GPR137B: variants seen among roughly 807,000 people sequenced by gnomAD.
The protein encoded by GPR137B is integral membrane protein GPR137B.
In GPR137B, 42 loss-of-function variants were observed where a neutral mutation model predicts 42.5. That is an observed-to-expected ratio of 0.99 (90% CI 0.77 to 1.28). The LOEUF is 1.28. Among genes scored for constraint, GPR137B ranks in the 50% most tolerant of loss-of-function variants. GPR137B has a pLI of 0.00. For synonymous variants in GPR137B, 218 were observed against 209.7 expected (o/e 1.04, Z -0.34); for missense variants, 487 against 493.9 (o/e 0.99, Z 0.13).
intron 5 of GPR137B, among the ~76,000 whole-genome samples, chr1:236,186,544 G>A (rs1224547461): frequency 7.0e-6 from 1 of 143,248 alleles, no homozygotes; most frequent in Non-Finnish European, 1.5e-5. Flanking sequence ...GTGTCCATGT[G>A]TTCTCATTGT....
intron 2 of GPR137B, among the ~76,000 whole-genome samples, chr1:236,175,369 C>G (rs763773263): frequency 6.6e-6 from 1 of 152,066 alleles, no homozygotes; most frequent in Admixed American, 6.5e-5. Context: ...ACATAAGTGG[C>G]CCCGCACAGT....
rs1662000652 is a variant in GPR137B, at chr1:236,155,603, GCCAC to G, written c.414+12570_414+12573del. Among the ~76,000 whole-genome samples the G allele has an allele frequency of 6.6e-6, 1 of 152,108 alleles. No individual in the cohort carries two copies. Among genetic ancestry groups the G allele is most frequent in the Admixed American group, 6.5e-5 (1 of 15,272 alleles). On this transcript the variant is annotated intron_variant, in intron 1 of 6. Transcript: ENST00000366592. This position sits in a 1 kb window ranked among gnomAD's most constrained non-coding sequence, Gnocchi z 4.6. ...TGACTTATCAATGTGGGGGCTCAGG[GCCAC>G]CCTGAGTTCTGCCTTCTGGGTGGCC... is the stretch of plus-strand genomic sequence containing the variant.
chr1:236,144,522 G>C (rs577765941), intron 1 of GPR137B, among the ~76,000 whole-genome samples: 4 of 152,270 alleles, frequency 2.6e-5, no homozygotes, highest in African/African-American at 9.6e-5. Flanking sequence ...CTAAAAAATA[G>C]CATATGTGAT....
Position 236,166,356 on chromosome 1 carries a change from C to T in GPR137B, c.415-2350C>T, listed in dbSNP as rs181071581. Among the ~76,000 whole-genome samples the T allele has an allele frequency of 5.3e-3, 795 of 151,232 alleles. 5 individuals carry two copies. The highest frequency in any genetic ancestry group is 0.017 in the African/African-American group (711 of 41,194). On this transcript the variant is annotated intron_variant, in intron 1 of 6. Coordinates refer to ENST00000366592, the MANE Select transcript of GPR137B (RefSeq NM_003272.4). ...AGGTGACGTGTCTTGCCTAAAATCC[C>T]GTGGTGGGTTGTCAGATAAAGTGGA...
At chr1:236,163,152 A>G (rs1246743891) in intron 1 of GPR137B, among the ~76,000 whole-genome samples, 1 of 152,166 alleles carries the variant, frequency 6.6e-6, no homozygotes, top group Non-Finnish European at 1.5e-5. Flanking sequence ...AGGAGATCAT[A>G]TTGGAGCTTT....
chr1:236,193,469 A>G (rs1046435897), intron 5 of GPR137B, among the ~76,000 whole-genome samples: 1 of 152,142 alleles, frequency 6.6e-6, no homozygotes, highest in East Asian at 1.9e-4. Context: ...CCACAGAGAC[A>G]GCACCATTTT....
chr1:236,202,872 T>G (rs1254212), intron 5 of GPR137B, among the ~76,000 whole-genome samples: 3 of 152,002 alleles, frequency 2.0e-5, no homozygotes, highest in African/African-American at 7.2e-5. Flanking sequence ...AATCCATTTT[T>G]TTTGATTTTT....
In GPR137B at chr1:236,166,925, C is replaced by T. The variant is rs564209066; in HGVS notation, c.415-1781C>T. Reference sequence around the variant, plus strand: ...TTTCAGCCTCCTCCCTGAGAAGCAGCGGAGAGTAGATGTGACTGGGGGATT... The same window carrying T: ...TTTCAGCCTCCTCCCTGAGAAGCAGTGGAGAGTAGATGTGACTGGGGGATT... On this transcript the variant is annotated intron_variant, in intron 1 of 6. Coordinates refer to ENST00000366592, the MANE Select transcript of GPR137B (RefSeq NM_003272.4). 6.9e-4 allele frequency among the ~76,000 whole-genome samples: 105 copies of T among 152,144 alleles called. No individual in the cohort carries two copies. In the South Asian group the frequency reaches 0.01, roughly 15 times the overall value.
chr1:236,192,286 C>A (rs1179494639), intron 5 of GPR137B, among the ~76,000 whole-genome samples: 1 of 152,066 alleles, frequency 6.6e-6, no homozygotes. Flanking sequence ...CCTACCGAGC[C>A]AGACTACTTG....
At chr1:236,189,608 T>C (rs1663131548) in intron 5 of GPR137B, among the ~76,000 whole-genome samples, 1 of 152,228 alleles carries the variant, frequency 6.6e-6, no homozygotes, top group Non-Finnish European at 1.5e-5. Context: ...TTATTCAGTT[T>C]CCATTGGTTG....
chr1:236,180,956 A>G (rs1393406459), intron 4 of GPR137B, among the ~76,000 whole-genome samples: 1 of 152,190 alleles, frequency 6.6e-6, no homozygotes, highest in Non-Finnish European at 1.5e-5. Flanking sequence ...TAAATGTAAG[A>G]TGATATTATT....
At chr1:236,196,506 G>C (rs558481005) in intron 5 of GPR137B, among the ~76,000 whole-genome samples, 39 of 152,202 alleles carry the variant, frequency 2.6e-4, no homozygotes, top group Non-Finnish European at 4.0e-4. Flanking sequence ...GGTAGTGTTT[G>C]GTCACATGGA....
In GPR137B at chr1:236,155,128, G is replaced by A. The variant is rs1489446878; in HGVS notation, c.414+12092G>A. ...TCCACCTCTGTGCGGAACTGATGCCGAGACGGACTCCACCCAGGCAGTGGG... is the reference window on the plus strand; with the variant it reads ...TCCACCTCTGTGCGGAACTGATGCCAAGACGGACTCCACCCAGGCAGTGGG... On this transcript the variant is annotated intron_variant, in intron 1 of 6. Transcript: ENST00000366592. This position sits in a 1 kb window ranked among gnomAD's most constrained non-coding sequence, Gnocchi z 4.6. 6.6e-6 allele frequency among the ~76,000 whole-genome samples: 1 copy of A among 152,208 alleles called. No individual in the cohort carries two copies. Among genetic ancestry groups the A allele is most frequent in the Non-Finnish European group, 1.5e-5 (1 of 68,032 alleles).
chr1:236,147,547 G>A (rs755319145), intron 1 of GPR137B, among the ~76,000 whole-genome samples: 9 of 152,178 alleles, frequency 5.9e-5, no homozygotes, highest in African/African-American at 1.9e-4. Context: ...CCTAACTAGC[G>A]TCTTCAGGAC....
Position 236,154,052 on chromosome 1 carries a change from G to A in GPR137B, c.414+11016G>A, listed in dbSNP as rs1274453554. Among the ~76,000 whole-genome samples the A allele has an allele frequency of 2.0e-5, 3 of 152,154 alleles. No individual in the cohort carries two copies. In the East Asian group the frequency reaches 5.8e-4, roughly 29 times the overall value. On this transcript the variant is annotated intron_variant, in intron 1 of 6. Transcript: ENST00000366592. The stretch of plus-strand genomic sequence containing the variant: ...GCCCCTTCCTTGGGTGCCACTGGGA[G>A]GTGAAGGCTTAGGTTTAGGTTGACA...
At chr1:236,205,605 A>G (rs1663635702) in intron 6 of GPR137B, among the ~76,000 whole-genome samples, 1 of 152,196 alleles carries the variant, frequency 6.6e-6, no homozygotes, top group Non-Finnish European at 1.5e-5. Flanking sequence ...GAGTGGTGCA[A>G]TCTTGGCTCA....
chr1:236,194,904 C>T (rs1663292343), intron 5 of GPR137B, among the ~76,000 whole-genome samples: 1 of 152,170 alleles, frequency 6.6e-6, no homozygotes, highest in Admixed American at 6.5e-5. Context: ...TATGACTGCT[C>T]TCATGATTTA....
chr1:236,151,573 G>A (rs1445686815), intron 1 of GPR137B, among the ~76,000 whole-genome samples: 1 of 151,806 alleles, frequency 6.6e-6, no homozygotes, highest in Non-Finnish European at 1.5e-5. Context: ...ACAGGTGCCC[G>A]CCACCATGCC....
chr1:236,144,589 T>G (rs779851579), intron 1 of GPR137B, among the ~76,000 whole-genome samples: 7 of 152,268 alleles, frequency 4.6e-5, no homozygotes, highest in Non-Finnish European at 1.0e-4. Context: ...TTCTTGTAAG[T>G]CCAGCGCATC....
Sources: allele counts gnomAD v4.1 joint callset (sites outside exome capture counted in the v4.1 genomes callset), GRCh38; gene constraint gnomAD v4.1.1; non-coding constraint Gnocchi (gnomAD v3.1); transcripts MANE v1.5; gene names NCBI Gene and HGNC (gene_info 2026-07-23, HGNC 2026-07-21).